HEPHL1: variants seen among roughly 807,000 people sequenced by gnomAD.
HEPHL1 encodes hephaestin like 1.
Under a neutral mutation model 122.0 loss-of-function variants are expected in HEPHL1, and 123 were observed. That is an observed-to-expected ratio of 1.01 (90% CI 0.87 to 1.17). HEPHL1 has a LOEUF of 1.17. HEPHL1 is among the 50% of genes most tolerant of loss of function. HEPHL1 has a pLI of 0.00. For missense variants in HEPHL1, 1,452 were observed against 1,430.5 expected (o/e 1.01, Z -0.24); for synonymous variants, 527 against 508.9 (o/e 1.04, Z -0.48).
At chr11:94,078,333 G>C (rs1946142418) in intron 9 of HEPHL1, among the ~76,000 whole-genome samples, 1 of 151,680 alleles carries the variant, frequency 6.6e-6, no homozygotes, top group Admixed American at 6.6e-5. Context: ...AATGGGTTAT[G>C]GTTTAGACCT....
chr11:94,042,883 A>AAAAAAAAAAAAAAAAAC (rs1555058775), intron 1 of HEPHL1, among the ~76,000 whole-genome samples: 16 of 132,404 alleles, frequency 1.2e-4, no homozygotes, highest in African/African-American at 4.2e-4. Context: ...AATAAAAAAA[A>AAAAAAAAAAAAAAAAAC]AAAAAAAAAA....
intron 1 of HEPHL1, among the ~76,000 whole-genome samples, chr11:94,038,197 C>T (rs1945743200): frequency 6.6e-6 from 1 of 150,922 alleles, no homozygotes; most frequent in Non-Finnish European, 1.5e-5. Context: ...ATGAGCAAAG[C>T]CTCCAAGAAA....
intron 2 of HEPHL1, among the ~76,000 whole-genome samples, chr11:94,053,963 T>C (rs549227734): frequency 6.6e-6 from 1 of 152,230 alleles, no homozygotes; most frequent in Non-Finnish European, 1.5e-5. Context: ...ATCATTTAGG[T>C]ATAATTGGTT....
chr11:94,021,630 G>C, intron 1 of HEPHL1, 92 bp downstream of exon 1: 1 of 986,474 alleles, frequency 1.0e-6, no homozygotes, highest in Non-Finnish European at 1.5e-6. Context: ...ACTTACAATG[G>C]GGGTGAGTTG....
intron 8 of HEPHL1, among the ~76,000 whole-genome samples, chr11:94,074,706 G>A (rs1217895368): frequency 1.3e-5 from 2 of 152,062 alleles, no homozygotes; most frequent in Admixed American, 1.3e-4. Context: ...ATAACCTTGG[G>A]CATTCACTAA....
rs1450054546 is a variant in HEPHL1 at position 94,045,757 on chromosome 11, A to G, written c.255A>G (p.Gly85=). The G allele has an allele frequency of 1.2e-6, 2 of 1,613,792 alleles. No individual in the cohort carries two copies. Among genetic ancestry groups the G allele is most frequent in the Non-Finnish European group, 8.5e-7 (1 of 1,179,866 alleles). The change falls in exon 2 of 20, where the codon GGA becomes GGG. Residue 85 remains glycine (G), a synonymous_variant. Coordinates refer to ENST00000315765, the MANE Select transcript of HEPHL1 (RefSeq NM_001098672.2). ...KKAVYRRFTD[G]TYSIEIPKPP... ...CTGTTTACAGACGCTTCACGGATGGAACCTACTCCATAGAGATCCCCAAAC... is the reference window on the plus strand; with the variant it reads ...CTGTTTACAGACGCTTCACGGATGGGACCTACTCCATAGAGATCCCCAAAC...
At chr11:94,037,488 A>G (rs1266147347) in intron 1 of HEPHL1, among the ~76,000 whole-genome samples, 4 of 152,090 alleles carry the variant, frequency 2.6e-5, no homozygotes, top group Non-Finnish European at 5.9e-5. Flanking sequence ...CTTTGAAGAG[A>G]GCAGTGGTTC....
At chr11:94,049,939 G>A (rs1189744992) in intron 2 of HEPHL1, among the ~76,000 whole-genome samples, 1 of 152,122 alleles carries the variant, frequency 6.6e-6, no homozygotes, top group Non-Finnish European at 1.5e-5. Context: ...AAAATTCCAT[G>A]TGCATTTAAA....
intron 9 of HEPHL1, 60 bp downstream of exon 9, chr11:94,075,445 G>A (rs1362802078): frequency 2.3e-6 from 3 of 1,287,560 alleles, no homozygotes; most frequent in Non-Finnish European, 3.4e-6. Flanking sequence ...ATCCGCAAGA[G>A]CCAGAGACGA....
intron 16 of HEPHL1, 117 bp from the exon 17 acceptor site, chr11:94,105,874 G>A (rs1946404054): frequency 1.6e-6 from 1 of 615,936 alleles, no homozygotes; most frequent in South Asian, 3.9e-5. Context: ...GAGTGAGATT[G>A]TTGCATGTTT....
intron 10 of HEPHL1, 120 bp downstream of exon 10, chr11:94,082,688 T>C: frequency 1.1e-6 from 1 of 905,414 alleles, no homozygotes; most frequent in Non-Finnish European, 1.6e-6. Flanking sequence ...TGGTCATGAG[T>C]AAGTTATTTC....
Position 94,091,811 on chromosome 11 carries a change from T to C in HEPHL1, c.2295-1690T>C, listed in dbSNP as rs186597471. 6.6e-4 allele frequency among the ~76,000 whole-genome samples: 101 copies of C among 152,220 alleles called. No individual in the cohort carries two copies. In the South Asian group the frequency reaches 7.5e-3, roughly 11 times the overall value. ...CTTGAAGAGGAAGGAAGCATGTTCG[T>C]GGCAGAGGGAACAACCTGTGTAAAG... On this transcript the variant is annotated intron_variant, in intron 12 of 19. Coordinates refer to ENST00000315765, the MANE Select transcript of HEPHL1 (RefSeq NM_001098672.2).
At position 94,104,611 on chromosome 11, in the gene HEPHL1, T is replaced by C. The variant is rs190076154; in HGVS notation, c.2766T>C (p.Asp922=). 568 of 1,613,926 alleles carry C rather than the reference T, an allele frequency of 3.5e-4. 5 individuals are homozygous for C. In the Middle Eastern group the frequency reaches 4.5e-3, roughly 13 times the overall value. The change falls in exon 16 of 20, where the codon GAT becomes GAC. Residue 922 remains aspartate, a synonymous_variant. Transcript: ENST00000315765. The part of the protein sequence containing the change: ...LNEKGRRSDV[D]YEFALLFLVF... ...AAAAGGGAAGAAGAAGTGACGTTGATTATGAATTTGCTCTCTTGTTTTTGG... is the reference window on the plus strand; with the variant it reads ...AAAAGGGAAGAAGAAGTGACGTTGACTATGAATTTGCTCTCTTGTTTTTGG...
chr11:94,061,158 T>A (rs1945983035), intron 2 of HEPHL1, among the ~76,000 whole-genome samples: 1 of 152,064 alleles, frequency 6.6e-6, no homozygotes, highest in Admixed American at 6.6e-5. Context: ...GGACCAAGCT[T>A]GGTAGAGGAG....
chr11:94,045,811 C>A lies in HEPHL1; in HGVS notation c.309C>A (p.Ile103=), dbSNP rs749046975. The A allele has an allele frequency of 1.6e-5, 26 of 1,613,842 alleles. No homozygotes were observed. The South Asian group carries it at 2.9e-4, about 18-fold the overall frequency. Residue 103 remains isoleucine (I), a synonymous_variant, in exon 2 of 20, where the codon ATC becomes ATA. Coordinates refer to ENST00000315765, the MANE Select transcript of HEPHL1 (RefSeq NM_001098672.2). ...KPPWLGFLGP[I]LRAEVGDVIV... is the part of the protein sequence containing the mutation. The stretch of plus-strand genomic sequence containing the variant: ...CCTGGCTTGGATTCCTGGGCCCCAT[C>A]TTGAGGGCCGAAGTGGGTGATGTGA...
At chr11:94,066,650 A>G (rs1241590663) in intron 4 of HEPHL1, among the ~76,000 whole-genome samples, 1 of 152,204 alleles carries the variant, frequency 6.6e-6, no homozygotes, top group Non-Finnish European at 1.5e-5. Flanking sequence ...AAGATAATTA[A>G]TATGTACAAG....
intron 5 of HEPHL1, among the ~76,000 whole-genome samples, chr11:94,068,541 C>T (rs1348472555): frequency 1.3e-5 from 2 of 152,112 alleles, no homozygotes; most frequent in Non-Finnish European, 2.9e-5. Context: ...TTAGCTGGAC[C>T]ATAATGTTCC....
intron 1 of HEPHL1, among the ~76,000 whole-genome samples, chr11:94,039,278 T>A (rs1046653266): frequency 9.7e-4 from 145 of 149,684 alleles, no homozygotes; most frequent in African/African-American, 3.5e-3. Flanking sequence ...AATGGGAGAC[T>A]TTAACACCTC....
chr11:94,061,480 G>A (rs1945984762), intron 2 of HEPHL1, among the ~76,000 whole-genome samples: 1 of 152,172 alleles, frequency 6.6e-6, no homozygotes, highest in African/African-American at 2.4e-5. Context: ...AGTATGATGT[G>A]ATGTCCTATG....
Sources: allele counts gnomAD v4.1 joint callset (sites outside exome capture counted in the v4.1 genomes callset), GRCh38; gene constraint gnomAD v4.1.1; transcripts MANE v1.5; gene names NCBI Gene and HGNC (gene_info 2026-07-23, HGNC 2026-07-21).